ROCK2: variants seen among roughly 807,000 people sequenced by gnomAD.
ROCK2 encodes rho-associated protein kinase 2.
ROCK2 carries 61 observed loss-of-function variants against 195.1 expected under a neutral mutation model. The ratio of observed to expected loss-of-function variants is 0.31; its 90% CI spans 0.25 to 0.39. ROCK2 has a LOEUF of 0.39. ROCK2 is among the 10% of genes least tolerant of loss of function. ROCK2 has a pLI of 1.00. For synonymous variants in ROCK2, 504 were observed against 545.5 expected, an observed-to-expected ratio of 0.92 and a Z score of 1.06; for missense variants, 1,109 against 1,637.4, an observed-to-expected ratio of 0.68 and a Z score of 5.57.
chr2:11,239,389 A>G (rs1304836968), intron 4 of ROCK2, among the ~76,000 whole-genome samples: 6 of 152,212 alleles, frequency 3.9e-5, no homozygotes, highest in African/African-American at 1.4e-4. Flanking sequence ...CAGAATAGCT[A>G]TACTAAAAAA....
At chr2:11,269,535 G>T (rs1050210303) in intron 3 of ROCK2, among the ~76,000 whole-genome samples, 1 of 150,848 alleles carries the variant, frequency 6.6e-6, no homozygotes, top group African/African-American at 2.4e-5. Flanking sequence ...AATCTTTTTT[G>T]AATGGATCGG....
At chr2:11,237,967 A>C (rs1282253758) in intron 4 of ROCK2, among the ~76,000 whole-genome samples, 1 of 152,182 alleles carries the variant, frequency 6.6e-6, no homozygotes, top group Non-Finnish European at 1.5e-5. Flanking sequence ...AATCCCAGCT[A>C]ATCGGGAGGC....
At chr2:11,205,982 A>G (rs1664036885) in intron 20 of ROCK2, among the ~76,000 whole-genome samples, 1 of 151,950 alleles carries the variant, frequency 6.6e-6, no homozygotes, top group African/African-American at 2.4e-5. Flanking sequence ...AGTGGTGGGC[A>G]CCTGTATTCC....
intron 1 of ROCK2, among the ~76,000 whole-genome samples, chr2:11,329,851 A>G (rs922619363): frequency 1.3e-5 from 2 of 152,218 alleles, no homozygotes; most frequent in African/African-American, 4.8e-5. Flanking sequence ...TAACAACATA[A>G]ACATTATCCA....
Position 11,235,419 on chromosome 2 carries a change from G to A in ROCK2, c.723+283C>T, listed in dbSNP as rs551718136. ...TTCACCTAAATTATACATATGAACC[G>A]GTTTTGATTGGTAGCAAATGCTTGT... On this transcript the variant is annotated intron_variant, in intron 5 of 32. Coordinates refer to ENST00000315872, the MANE Select transcript of ROCK2 (RefSeq NM_004850.5). The surrounding 1 kb of genome is among the most constrained non-coding windows in gnomAD (Gnocchi z 4.2). 3.9e-5 allele frequency among the ~76,000 whole-genome samples: 6 copies of A among 152,134 alleles called. No homozygotes were observed. Among genetic ancestry groups the A allele is most frequent in the East Asian group, 1.9e-4 (1 of 5,184 alleles).
intron 3 of ROCK2, among the ~76,000 whole-genome samples, chr2:11,253,416 C>G (rs2148133045): frequency 6.6e-6 from 1 of 152,286 alleles, no homozygotes; most frequent in African/African-American, 2.4e-5. Context: ...AGGACACTAC[C>G]TCCTTATCCA....
At chr2:11,221,986 TTAAG>T in intron 8 of ROCK2, 93 bp downstream of exon 8, 1 of 713,032 alleles carries the variant, frequency 1.4e-6, no homozygotes, top group Non-Finnish European at 2.5e-6. Context: ...TGAGTTAGCA[TTAAG>T]TGTTATCAAA....
At chr2:11,314,230 T>C (rs1284577594) in intron 1 of ROCK2, among the ~76,000 whole-genome samples, 3 of 151,972 alleles carry the variant, frequency 2.0e-5, no homozygotes, top group Admixed American at 6.6e-5. Flanking sequence ...GTTCTCCTCA[T>C]AGTCTAATGT....
At position 11,232,130 on chromosome 2, in the gene ROCK2, C is replaced by CTT. The variant is rs11448566; in HGVS notation, c.723+3570_723+3571dup. ...GATGAGAATAAAACTATGGACATTT[C>CTT]TTTTTTTTTTTCAGACAGGGTCTTG... On this transcript the variant is annotated intron_variant, in intron 5 of 32. Coordinates refer to ENST00000315872, the MANE Select transcript of ROCK2 (RefSeq NM_004850.5). Among the ~76,000 whole-genome samples, 68 of 148,050 alleles carry CTT rather than the reference C, an allele frequency of 4.6e-4. No homozygotes were observed. In the South Asian group the frequency reaches 6.8e-3, roughly 15 times the overall value.
At chr2:11,296,999 G>C (rs959515848) in intron 1 of ROCK2, among the ~76,000 whole-genome samples, 1 of 151,980 alleles carries the variant, frequency 6.6e-6, no homozygotes, top group Admixed American at 6.5e-5. Context: ...GTTAAAATCT[G>C]GGAAAGATTA....
chr2:11,201,159 A>C lies in ROCK2; in HGVS notation c.2724-16T>G. 2 of 1,586,968 alleles carry C rather than the reference A, an allele frequency of 1.3e-6. No homozygotes were observed. The highest frequency in any genetic ancestry group is 2.3e-5 in the South Asian group (2 of 85,750). On this transcript the variant is annotated splice_polypyrimidine_tract_variant and intron_variant, in intron 22 of 32. Coordinates refer to ENST00000315872, the MANE Select transcript of ROCK2 (RefSeq NM_004850.5). The surrounding 1 kb of genome is among the most constrained non-coding windows in gnomAD (Gnocchi z 4.6). The stretch of plus-strand genomic sequence containing the variant: ...CAAAGAGTCCCTACATTTTAGCAAT[A>C]TATCATTTTAATGGTTCAGTTTTCA...
At position 11,247,881 on chromosome 2, in the gene ROCK2, G is replaced by T. The variant is rs531780459; in HGVS notation, c.462+1780C>A. On this transcript the variant is annotated intron_variant, in intron 4 of 32. Transcript: ENST00000315872. ...TACTAAAAATACAAAAATTAACCAG[G>T]TGTGGTAGTGAGGACCTGTAATCCC... Among the ~76,000 whole-genome samples, 10 of 152,196 alleles carry T rather than the reference G, an allele frequency of 6.6e-5. No homozygotes were observed. The South Asian group carries it at 1.9e-3, about 28-fold the overall frequency.
chr2:11,296,005 G>GGGGAGAGGGGGAGACAGAGAGA, intron 1 of ROCK2, among the ~76,000 whole-genome samples: 1 of 10,342 alleles, frequency 9.7e-5, no homozygotes, highest in South Asian at 6.5e-3. Context: ...GAGAGAGAGA[G>GGGGAGAGGGGGAGACAGAGAGA]GAGAGAGAGA....
At chr2:11,267,701 CT>C (rs34065184) in intron 3 of ROCK2, among the ~76,000 whole-genome samples, 2,400 of 130,360 alleles carry the variant, frequency 0.018, 40 homozygotes, top group African/African-American at 0.057. Flanking sequence ...ATCAATACGC[CT>C]TTTTTTTTTT....
At chr2:11,329,084 A>G (rs780490948) in intron 1 of ROCK2, among the ~76,000 whole-genome samples, 7 of 110,724 alleles carry the variant, frequency 6.3e-5, no homozygotes, top group Admixed American at 1.1e-4. Flanking sequence ...TTTTTTAAAA[A>G]TGCAAAAAAA....
intron 1 of ROCK2, among the ~76,000 whole-genome samples, chr2:11,321,325 G>A (rs1345230912): frequency 3.3e-5 from 5 of 151,796 alleles, no homozygotes; most frequent in Non-Finnish European, 7.4e-5. Context: ...ACAGGTGCAC[G>A]CCACCGCACC....
chr2:11,333,492 C>T (rs1290407907), intron 1 of ROCK2, among the ~76,000 whole-genome samples: 1 of 151,684 alleles, frequency 6.6e-6, no homozygotes, highest in Non-Finnish European at 1.5e-5. Flanking sequence ...AAATATGGTC[C>T]AGAGAACACA....
intron 27 of ROCK2, 48 bp from the exon 28 acceptor site, chr2:11,195,073 G>T: frequency 1.0e-6 from 1 of 996,894 alleles, no homozygotes; most frequent in East Asian, 2.5e-5. Flanking sequence ...ATTCTCCTTA[G>T]ATAACAAAGA....
At position 11,344,515 on chromosome 2, in the gene ROCK2, A is replaced by G. The variant is rs2148287188; in HGVS notation, c.-379T>C. On this transcript the variant is annotated 5_prime_UTR_variant, in exon 1 of 33. Transcript: ENST00000315872. This position sits in a 1 kb window ranked among gnomAD's most constrained non-coding sequence, Gnocchi z 5.4. Reference sequence around the variant, plus strand: ...CCGCCCCGCCCTCTGGGGCCCCGGGAGGCTGAAGCCCAGGCCTGGGCCACT... The same window carrying G: ...CCGCCCCGCCCTCTGGGGCCCCGGGGGGCTGAAGCCCAGGCCTGGGCCACT... 2.0e-6 allele frequency: 2 copies of G among 983,022 alleles called. No homozygotes were observed. Among genetic ancestry groups the G allele is most frequent in the South Asian group, 9.5e-5 (2 of 21,152 alleles). The allele number at this position is 983,022 out of a possible 1,614,324, so 60.9% of individuals were successfully genotyped here. A position where few individuals can be genotyped will look rare whatever the true frequency, so the allele number is the denominator to read the frequency against.
Sources: gnomAD v4.1 joint callset for allele counts (sites outside exome capture counted in the v4.1 genomes callset) on GRCh38, gnomAD v4.1.1 for gene constraint, Gnocchi (gnomAD v3.1) non-coding constraint, MANE v1.5 for transcripts, NCBI Gene and HGNC (gene_info 2026-07-23, HGNC 2026-07-21) for gene names.